The following MMP16 variants were observed in gnomAD, a reference collection of about 807,000 sequenced individuals.
MMP16 encodes the protein matrix metalloproteinase-16.
A neutral mutation model predicts 67.8 loss-of-function variants in MMP16; 12 were observed. The ratio of observed to expected loss-of-function variants is 0.18; its 90% CI spans 0.11 to 0.29. The LOEUF (loss-of-function observed/expected upper bound fraction) is 0.29. Ranked by LOEUF, MMP16 falls within the 10% of genes least tolerant of loss-of-function variation. The pLI, the probability that MMP16 is intolerant of heterozygous loss-of-function variation, is 1.00. For missense variants in MMP16, 475 were observed against 765.7 expected (o/e 0.62, Z 4.48); for synonymous variants, 249 against 255.9 (o/e 0.97, Z 0.26).
chr8:88,221,536 C>T (rs916719801), intron 1 of MMP16, among the ~76,000 whole-genome samples: 3 of 151,928 alleles, frequency 2.0e-5, no homozygotes, highest in East Asian at 3.9e-4. Flanking sequence ...AAAACAAAAT[C>T]GTTACAAATA....
intron 1 of MMP16, among the ~76,000 whole-genome samples, chr8:88,200,105 T>C (rs575056342): frequency 1.3e-5 from 2 of 152,050 alleles, no homozygotes; most frequent in East Asian, 3.9e-4. Context: ...CTGTTAAACT[T>C]AAGATTTGTC....
In MMP16 at chr8:88,036,968, A is replaced by G. The variant is rs1429177874; in HGVS notation, c.*4493T>C. 1 of 151,588 alleles carries G rather than the reference A, an allele frequency of 6.6e-6. No homozygotes were observed. The highest frequency in any genetic ancestry group is 6.6e-5 in the Admixed American group (1 of 15,148). 9.4% of individuals were successfully genotyped at this position (151,588 alleles called of 1,614,324 possible). ...TGGAAATGATTCCAAAAACTTTAAA[A>G]TATATATTTTTTCATGACTCAGTTT... On this transcript the variant is annotated 3_prime_UTR_variant, in exon 10 of 10. Transcript: ENST00000286614.
At chr8:88,292,663 C>T (rs28986495) in intron 1 of MMP16, among the ~76,000 whole-genome samples, 5,004 of 151,922 alleles carry the variant, frequency 0.033, 251 homozygotes, top group African/African-American at 0.11. Flanking sequence ...ATCTAGCATC[C>T]GGATAATTAA....
At chr8:88,268,568 C>T (rs1810515696) in intron 1 of MMP16, among the ~76,000 whole-genome samples, 1 of 152,036 alleles carries the variant, frequency 6.6e-6, no homozygotes, top group African/African-American at 2.4e-5. Flanking sequence ...AGAGATAAAA[C>T]AGAGGTTTTC....
At chr8:88,297,875 A>G (rs1811036752) in intron 1 of MMP16, among the ~76,000 whole-genome samples, 1 of 152,214 alleles carries the variant, frequency 6.6e-6, no homozygotes, top group Admixed American at 6.5e-5. Context: ...TGTCTGGCAC[A>G]TTTGCAAAGT....
rs1164897526 is a variant in MMP16, at chr8:88,220,251, T to A, written c.133-22945A>T. On this transcript the variant is annotated intron_variant, in intron 1 of 9. Coordinates refer to ENST00000286614, the MANE Select transcript of MMP16 (RefSeq NM_005941.5). ...TTTCCTCAATTATTTTATAGTTTAT[T>A]TTTATAGCTTGCTTTCACTAGAATC... 2.0e-5 allele frequency among the ~76,000 whole-genome samples: 3 copies of A among 152,246 alleles called. No individual in the cohort carries two copies. In the South Asian group the frequency reaches 6.2e-4, roughly 32 times the overall value.
intron 7 of MMP16, among the ~76,000 whole-genome samples, chr8:88,069,070 T>C (rs979075317): frequency 3.3e-5 from 5 of 152,158 alleles, no homozygotes; most frequent in African/African-American, 1.2e-4. Flanking sequence ...ATATGAATTT[T>C]AGAATCAGCT....
chr8:88,262,560 T>G (rs1286547074), intron 1 of MMP16, among the ~76,000 whole-genome samples: 1 of 152,234 alleles, frequency 6.6e-6, no homozygotes, highest in South Asian at 2.1e-4. Flanking sequence ...TCAGCTTTGC[T>G]GGCTTTTGTC....
chr8:88,187,010 A>C (rs1202257422), intron 2 of MMP16, among the ~76,000 whole-genome samples: 1 of 152,192 alleles, frequency 6.6e-6, no homozygotes, highest in Non-Finnish European at 1.5e-5. Context: ...AGATTATTCT[A>C]ATCTATTACC....
chr8:88,081,986 GGCT>G (rs1469435307), intron 6 of MMP16, among the ~76,000 whole-genome samples: 1 of 151,914 alleles, frequency 6.6e-6, no homozygotes, highest in Non-Finnish European at 1.5e-5. Context: ...GAACCAACAA[GGCT>G]GCTAACAAAG....
At chr8:88,125,619 G>A (rs2118456408) in intron 4 of MMP16, among the ~76,000 whole-genome samples, 1 of 151,910 alleles carries the variant, frequency 6.6e-6, no homozygotes, top group South Asian at 2.1e-4. Flanking sequence ...ATTCCTTTGG[G>A]CTAGAGTTTG....
At chr8:88,069,898 T>A (rs1191693946) in intron 7 of MMP16, among the ~76,000 whole-genome samples, 1 of 152,124 alleles carries the variant, frequency 6.6e-6, no homozygotes, top group Non-Finnish European at 1.5e-5. Context: ...TATACAGAAA[T>A]ACAATTAAAT....
At chr8:88,304,283 A>T (rs1047964814) in intron 1 of MMP16, among the ~76,000 whole-genome samples, 1 of 152,198 alleles carries the variant, frequency 6.6e-6, no homozygotes, top group Admixed American at 6.5e-5. Context: ...ACCTCTGAGA[A>T]ATATAGGATT....
intron 8 of MMP16, among the ~76,000 whole-genome samples, chr8:88,050,507 T>C (rs1808256324): frequency 1.3e-5 from 2 of 152,188 alleles, no homozygotes; most frequent in Non-Finnish European, 1.5e-5. Context: ...TAAAGTAAAT[T>C]TATATACATA....
At chr8:88,141,464 T>A (rs571753102) in intron 4 of MMP16, among the ~76,000 whole-genome samples, 6 of 152,312 alleles carry the variant, frequency 3.9e-5, no homozygotes, top group African/African-American at 1.4e-4. Flanking sequence ...TGGTTGAATC[T>A]GTGTGCCTGC....
intron 4 of MMP16, among the ~76,000 whole-genome samples, chr8:88,125,689 C>A (rs1807919727): frequency 6.6e-6 from 1 of 151,826 alleles, no homozygotes; most frequent in Non-Finnish European, 1.5e-5. Flanking sequence ...AAAAGTCTTG[C>A]TGAAGAAAAG....
At chr8:88,318,209 T>C (rs1811402942) in intron 1 of MMP16, among the ~76,000 whole-genome samples, 1 of 152,186 alleles carries the variant, frequency 6.6e-6, no homozygotes, top group Non-Finnish European at 1.5e-5. Context: ...CCTGAATACT[T>C]TGAAAATCAG....
At chr8:88,297,636 TA>T (rs1418752570) in intron 1 of MMP16, among the ~76,000 whole-genome samples, 1 of 152,184 alleles carries the variant, frequency 6.6e-6, no homozygotes, top group Non-Finnish European at 1.5e-5. Flanking sequence ...ACCCAGCTAA[TA>T]AACTCTAAGT....
At chr8:88,100,894 G>A (rs575962010) in intron 6 of MMP16, among the ~76,000 whole-genome samples, 9 of 149,910 alleles carry the variant, frequency 6.0e-5, no homozygotes, top group African/African-American at 1.5e-4. Context: ...ACCAAACACC[G>A]CATGTTCTCA....
Sources: gnomAD v4.1 joint callset for allele counts (sites outside exome capture counted in the v4.1 genomes callset) on GRCh38, gnomAD v4.1.1 for gene constraint, MANE v1.5 for transcripts, NCBI Gene and HGNC (gene_info 2026-07-23, HGNC 2026-07-21) for gene names.